DNAH17: variants seen among roughly 807,000 people sequenced by gnomAD.
DNAH17 encodes the protein dynein axonemal heavy chain 17, also known as axonemal beta dynein heavy chain 17.
In DNAH17, 376 loss-of-function variants were observed where a neutral mutation model predicts 485.6. The observed-to-expected ratio is 0.77, with a 90% CI of 0.71 to 0.84. DNAH17 has a LOEUF of 0.84. DNAH17 is among the 40% of genes least tolerant of loss of function. The pLI is 0.00. For missense variants in DNAH17, 6,370 were observed against 5,839.3 expected, an observed-to-expected ratio of 1.09 and a Z score of -2.96; for synonymous variants, 3,031 against 2,405.9, an observed-to-expected ratio of 1.26 and a Z score of -7.60.
chr17:78,507,089 C>A (rs1014077188), intron 29 of DNAH17, among the ~76,000 whole-genome samples, 189 bp downstream of exon 29: 2 of 152,162 alleles, frequency 1.3e-5, no homozygotes, highest in Non-Finnish European at 2.9e-5. Context: ...CCTTCAAGGC[C>A]AAGGCATCAC....
At chr17:78,523,919 A>C (rs1160645026) in intron 25 of DNAH17, among the ~76,000 whole-genome samples, 1 of 152,234 alleles carries the variant, frequency 6.6e-6, no homozygotes, top group East Asian at 1.9e-4. Flanking sequence ...AAAAATAAAT[A>C]AAAATACTTT....
chr17:78,487,440 T>C (rs1357562881), intron 44 of DNAH17, among the ~76,000 whole-genome samples: 1 of 152,206 alleles, frequency 6.6e-6, no homozygotes, highest in Non-Finnish European at 1.5e-5. Flanking sequence ...GTGCATCATT[T>C]CCAGGATGCC....
chr17:78,452,523 A>T (rs981488013), intron 65 of DNAH17, among the ~76,000 whole-genome samples: 1 of 152,148 alleles, frequency 6.6e-6, no homozygotes, highest in African/African-American at 2.4e-5. Context: ...GGATCACCTG[A>T]GGTCAGGAGT....
chr17:78,468,509 C>G (rs2088592474), intron 55 of DNAH17, 108 bp downstream of exon 55: 1 of 1,375,562 alleles, frequency 7.3e-7, no homozygotes, highest in African/African-American at 1.5e-5. Context: ...GATTTCACAT[C>G]CCATGAAGGA....
In DNAH17 at chr17:78,426,584, G is replaced by A. The variant is rs777079252; in HGVS notation, c.12788C>T (p.Thr4263Met). 19 of 1,609,700 alleles carry A rather than the reference G, an allele frequency of 1.2e-5. No individual in the cohort carries two copies. Among genetic ancestry groups the A allele is most frequent in the East Asian group, 2.2e-5 (1 of 44,808 alleles). Residue 4263 changes from threonine (T) to methionine (M), a missense_variant, in exon 79 of 81, where the codon ACG becomes ATG. Physicochemically the swap from Thr to Met is moderately conservative, Grantham distance 81. Transcript: ENST00000389840. ...NLGLKGELTI[T>M]TDVEDLSTAL... ...CGTGGACAGATCTTCCACGTCGGTC[G>A]TGATGGTCAGTTCTCCCTAGGAGAC...
chr17:78,502,865 G>A (rs773154390), intron 32 of DNAH17, 21 bp downstream of exon 32: 5 of 1,609,032 alleles, frequency 3.1e-6, no homozygotes, highest in African/African-American at 2.7e-5. Context: ...AGGCGCCGCC[G>A]AGCCCCCACC....
In DNAH17 at chr17:78,569,262, G is replaced by A. The variant is rs774053821; in HGVS notation, c.1198-10C>T. 2 of 1,600,024 alleles carry A rather than the reference G, an allele frequency of 1.2e-6. No homozygotes were observed. Among genetic ancestry groups the A allele is most frequent in the East Asian group, 2.2e-5 (1 of 44,530 alleles). On this transcript the variant is annotated splice_polypyrimidine_tract_variant and intron_variant, in intron 8 of 80. Transcript: ENST00000389840. ...GCACGGGCTCTTTGTCCTTAGAGGAGAGAAAGAGAGATGAGGCCACGTTTG... is the reference window on the plus strand; with the variant it reads ...GCACGGGCTCTTTGTCCTTAGAGGAAAGAAAGAGAGATGAGGCCACGTTTG...
At chr17:78,451,742 C>T in intron 65 of DNAH17, 69 bp from the exon 66 acceptor site, 3 of 1,372,578 alleles carry the variant, frequency 2.2e-6, no homozygotes, top group Non-Finnish European at 3.0e-6. Flanking sequence ...CAAGTACAGA[C>T]CACCTTTCAC....
rs767616194 is a variant in DNAH17 at position 78,484,859 on chromosome 17, C to G, written c.7649+9G>C. 35 of 1,537,478 alleles carry G rather than the reference C, an allele frequency of 2.3e-5. No homozygotes were observed. In the East Asian group the frequency reaches 8.4e-4, roughly 37 times the overall value. ...CCACGCCTTCCCCTCCGGCCCCGCC[C>G]CGTCTAACCAGTGCCGGTGGTCCAT... On this transcript the variant is annotated intron_variant, in intron 48 of 80. Coordinates refer to ENST00000389840, the MANE Select transcript of DNAH17 (RefSeq NM_173628.4).
chr17:78,428,652 C>T lies in DNAH17; in HGVS notation c.12461G>A (p.Gly4154Asp), dbSNP rs753557307. Residue 4154 changes from glycine (G) to aspartate (D), a missense_variant, in exon 77 of 81, where the codon GGC becomes GAC. Gly to Asp is a moderately conservative substitution (Grantham distance 94). Transcript: ENST00000389840. ...GCCAATCTCTGCGTTGGGGTGCAGG[C>T]CATACAGATAGGGACTCTCAGGGGG... is the stretch of plus-strand genomic sequence containing the variant. The part of the protein sequence containing the change: ...NLPPESPYLY[G>D]LHPNAEIGFL... 2 of 1,613,962 alleles carry T rather than the reference C, an allele frequency of 1.2e-6. No homozygotes were observed. Among genetic ancestry groups the T allele is most frequent in the Middle Eastern group, 1.6e-4 (1 of 6,062 alleles).
intron 62 of DNAH17, 96 bp downstream of exon 62, chr17:78,458,469 C>G: frequency 9.4e-7 from 1 of 1,062,056 alleles, no homozygotes; most frequent in Non-Finnish European, 1.4e-6. Flanking sequence ...CTGCTTCCAC[C>G]TGGGCTCCCT....
intron 13 of DNAH17, among the ~76,000 whole-genome samples, chr17:78,559,556 T>C (rs1278180247): frequency 2.0e-5 from 3 of 152,184 alleles, no homozygotes; most frequent in Non-Finnish European, 2.9e-5. Context: ...CCAGCTGTCA[T>C]CTCTTGCCTG....
Position 78,491,424 on chromosome 17 carries a change from G to C in DNAH17, c.6669+19C>G. 6.2e-7 allele frequency: 1 copy of C among 1,610,442 alleles called. No individual in the cohort carries two copies. The highest frequency in any genetic ancestry group is 8.5e-7 in the Non-Finnish European group (1 of 1,178,386). On this transcript the variant is annotated intron_variant, in intron 43 of 80. Transcript: ENST00000389840. The stretch of plus-strand genomic sequence containing the variant: ...CTGCCTTGGGTGGCCTTGGGGCTTA[G>C]AGTCCAGGGCCCGCGAACCTTGTTG...
intron 44 of DNAH17, 53 bp downstream of exon 44, chr17:78,490,646 A>C: frequency 6.4e-7 from 1 of 1,554,770 alleles, no homozygotes; most frequent in Non-Finnish European, 8.7e-7. Context: ...CAGGCCAACA[A>C]GTTCGTTTTT....
At position 78,561,737 on chromosome 17, in the gene DNAH17, G is replaced by A; in HGVS notation, c.1813C>T (p.His605Tyr). Reference protein sequence around the residue: ...LQERLEVSMKHLKHVEHPVMS... With the variant: ...LQERLEVSMKYLKHVEHPVMS... ...CACGGGTGTTCGACGTGCTTCAGGT[G>A]TTTCATGGACACCTCTAGCCTCTCC... Residue 605 changes from histidine (H) to tyrosine (Y), a missense_variant, in exon 12 of 81, where the codon CAC (histidine) becomes TAC (tyrosine). His to Tyr is a moderately conservative substitution (Grantham distance 83, BLOSUM62 2). Transcript: ENST00000389840. The A allele has an allele frequency of 3.1e-6, 5 of 1,610,730 alleles. No homozygotes were observed. The highest frequency in any genetic ancestry group is 2.2e-5 in the South Asian group (2 of 90,562).
intron 16 of DNAH17, among the ~76,000 whole-genome samples, chr17:78,550,125 G>A (rs1385156792): frequency 1.3e-5 from 2 of 152,246 alleles, no homozygotes; most frequent in East Asian, 1.9e-4. Context: ...GTGGGGAGGC[G>A]TGGGGAGGAG....
At chr17:78,549,499 C>G (rs546274408) in intron 16 of DNAH17, among the ~76,000 whole-genome samples, 4 of 152,358 alleles carry the variant, frequency 2.6e-5, no homozygotes, top group Non-Finnish European at 4.4e-5. Flanking sequence ...CCAACAACCT[C>G]AGAATTGGCA....
intron 38 of DNAH17, 117 bp downstream of exon 38, chr17:78,495,758 C>T (rs947469900): frequency 2.3e-6 from 3 of 1,299,144 alleles, no homozygotes; most frequent in Non-Finnish European, 3.1e-6. Context: ...CTTTTGATGA[C>T]TTCTTCCCTC....
At chr17:78,527,953 A>G (rs1307437700) in intron 22 of DNAH17, among the ~76,000 whole-genome samples, 1 of 151,830 alleles carries the variant, frequency 6.6e-6, no homozygotes, top group Non-Finnish European at 1.5e-5. Flanking sequence ...TAATTTTTAA[A>G]TTTTTAGTAG....
Sources: gnomAD v4.1 joint callset for allele counts (sites outside exome capture counted in the v4.1 genomes callset) on GRCh38, gnomAD v4.1.1 for gene constraint, MANE v1.5 for transcripts, NCBI Gene and HGNC (gene_info 2026-07-23, HGNC 2026-07-21) for gene names.